The following MAGI1 variants were observed in gnomAD, a reference collection of about 807,000 sequenced individuals.
The protein encoded by MAGI1 is membrane-associated guanylate kinase, WW and PDZ domain-containing protein 1.
Under a neutral mutation model 139.9 loss-of-function variants are expected in MAGI1, and 58 were observed. The observed-to-expected ratio is 0.41, with a 90% CI of 0.34 to 0.52. The LOEUF is 0.52. MAGI1 is among the 20% of genes least tolerant of loss of function. The probability of loss-of-function intolerance (pLI) is 0.12; values close to 1 mark genes in which losing one functional copy is unlikely to be tolerated. For missense variants in MAGI1, 1,874 were observed against 1,901.6 expected (o/e 0.99, Z 0.27); for synonymous variants, 812 against 737.9 (o/e 1.10, Z -1.63).
At position 65,846,579 on chromosome 3, in the gene MAGI1, C is replaced by G. The variant is rs562160772; in HGVS notation, c.313+191417G>C. On this transcript the variant is annotated intron_variant, in intron 1 of 22. Coordinates refer to ENST00000402939, the MANE Select transcript of MAGI1 (RefSeq NM_001033057.2). ...TATAGTAAGTCTGAGTAGCAACTGC[C>G]TCAAAGTACCAGCAGTCATGATCAC... Among the ~76,000 whole-genome samples, 4 of 152,272 alleles carry G rather than the reference C, an allele frequency of 2.6e-5. 1 individual carries two copies. In the South Asian group the frequency reaches 8.3e-4, roughly 32 times the overall value.
chr3:65,360,876 A>G (rs1279196117), intron 22 of MAGI1: 2 of 1,216,388 alleles, frequency 1.6e-6, no homozygotes, highest in Admixed American at 7.8e-5. Flanking sequence ...TTGTGCTAAC[A>G]ATTGGATCTG....
intron 1 of MAGI1, among the ~76,000 whole-genome samples, chr3:65,893,560 G>A (rs183228629): frequency 6.6e-6 from 1 of 152,154 alleles, no homozygotes; most frequent in East Asian, 1.9e-4. Flanking sequence ...GAAGTCCAGA[G>A]GGAATTACGC....
intron 1 of MAGI1, among the ~76,000 whole-genome samples, chr3:65,796,050 CAAAAAAAAAAAA>C (rs35663778): frequency 9.7e-6 from 1 of 103,048 alleles, no homozygotes; most frequent in Non-Finnish European, 2.0e-5. Flanking sequence ...GACTCTGTCT[CAAAAAAAAAAAA>C]AAAAAAAAGA....
At chr3:65,886,095 A>G (rs779179827) in intron 1 of MAGI1, among the ~76,000 whole-genome samples, 1 of 152,214 alleles carries the variant, frequency 6.6e-6, no homozygotes, top group Non-Finnish European at 1.5e-5. Flanking sequence ...CTATATACTT[A>G]AGTTTAGAAC....
intron 1 of MAGI1, among the ~76,000 whole-genome samples, chr3:65,637,883 T>A (rs867954166): frequency 1.3e-5 from 2 of 152,204 alleles, no homozygotes; most frequent in Non-Finnish European, 2.9e-5. Flanking sequence ...ATTTATCTTG[T>A]TTATTGTCTG....
chr3:65,553,544 C>T (rs775061420), intron 2 of MAGI1, among the ~76,000 whole-genome samples: 21 of 152,144 alleles, frequency 1.4e-4, no homozygotes, highest in Non-Finnish European at 2.9e-4. Context: ...GATGAGATAC[C>T]TGTGCCTGAC....
At chr3:65,541,255 G>C (rs1024777399) in intron 2 of MAGI1, among the ~76,000 whole-genome samples, 82 of 152,186 alleles carry the variant, frequency 5.4e-4, no homozygotes, top group African/African-American at 1.9e-3. Context: ...CCAATAACAA[G>C]TTCTGAAATT....
At chr3:65,728,734 T>C (rs935108807) in intron 1 of MAGI1, among the ~76,000 whole-genome samples, 21 of 152,260 alleles carry the variant, frequency 1.4e-4, no homozygotes, top group South Asian at 1.0e-3. Flanking sequence ...TTTTAAAAAA[T>C]TATTTTGTCT....
At chr3:65,501,475 A>AT (rs1553654935) in intron 2 of MAGI1, among the ~76,000 whole-genome samples, 95 of 150,246 alleles carry the variant, frequency 6.3e-4, no homozygotes, top group Middle Eastern at 3.4e-3. Context: ...AAAAAAAAAA[A>AT]TTTAAACATA....
Position 65,687,618 on chromosome 3 carries a change from C to T in MAGI1, c.314-65530G>A, listed in dbSNP as rs148612469. On this transcript the variant is annotated intron_variant, in intron 1 of 22. Coordinates refer to ENST00000402939, the MANE Select transcript of MAGI1 (RefSeq NM_001033057.2). ...TTGAAGAAGTTGGATAGGTGGGATCCTATAAAAAGAGAATGGTCACTACAG... is the reference window on the plus strand; with the variant it reads ...TTGAAGAAGTTGGATAGGTGGGATCTTATAAAAAGAGAATGGTCACTACAG... 99 of 418,696 alleles carry T rather than the reference C, an allele frequency of 2.4e-4. 1 individual carries two copies. The highest frequency in any genetic ancestry group is 2.0e-3 in the African/African-American group (97 of 47,752). 25.9% of individuals were successfully genotyped at this position (418,696 alleles called of 1,614,324 possible).
intron 2 of MAGI1, among the ~76,000 whole-genome samples, chr3:65,563,409 G>A (rs908882313): frequency 6.6e-6 from 1 of 152,156 alleles, no homozygotes; most frequent in Non-Finnish European, 1.5e-5. Context: ...CCTCCCACAT[G>A]AAGAGAGCTG....
At chr3:65,894,324 G>A (rs1001481462) in intron 1 of MAGI1, among the ~76,000 whole-genome samples, 1 of 152,132 alleles carries the variant, frequency 6.6e-6, no homozygotes, top group Non-Finnish European at 1.5e-5. Context: ...AGGCCCTTGT[G>A]ACTCCAAATC....
chr3:65,867,295 ATGCTATCGTCATT>A (rs2059762758), intron 1 of MAGI1, among the ~76,000 whole-genome samples: 1 of 152,210 alleles, frequency 6.6e-6, no homozygotes, highest in South Asian at 2.1e-4. Context: ...GGACGAAGAT[ATGCTATCGTCATT>A]TGTCCAATTC....
intron 12 of MAGI1, among the ~76,000 whole-genome samples, chr3:65,422,732 GAAT>G (rs1946716805): frequency 6.6e-6 from 1 of 152,032 alleles, no homozygotes; most frequent in Non-Finnish European, 1.5e-5. Flanking sequence ...GATTTATGAG[GAAT>G]GGTCACGGCA....
chr3:65,393,955 C>T (rs755861248), intron 13 of MAGI1, among the ~76,000 whole-genome samples: 4 of 152,154 alleles, frequency 2.6e-5, no homozygotes, highest in Non-Finnish European at 5.9e-5. Context: ...AGAGAAATAT[C>T]CTTCTGGCAT....
intron 1 of MAGI1, chr3:65,873,767 T>A (rs982123765): frequency 4.6e-5 from 7 of 152,040 alleles, no homozygotes; most frequent in African/African-American, 1.7e-4. Context: ...AAACTTCACA[T>A]CCACATGCAA....
chr3:65,994,840 T>C (rs913677511), intron 1 of MAGI1, among the ~76,000 whole-genome samples: 3 of 152,202 alleles, frequency 2.0e-5, no homozygotes, highest in African/African-American at 7.2e-5. Context: ...ACTGAGGCTA[T>C]CTAGCCAACA....
intron 3 of MAGI1, among the ~76,000 whole-genome samples, chr3:65,491,733 A>C (rs1952050568): frequency 6.9e-6 from 1 of 144,058 alleles, no homozygotes; most frequent in Admixed American, 7.2e-5. Flanking sequence ...GACCTCGATT[A>C]CTCTCAGACC....
At chr3:65,792,878 G>C (rs1191160510) in intron 1 of MAGI1, among the ~76,000 whole-genome samples, 3 of 152,112 alleles carry the variant, frequency 2.0e-5, no homozygotes, top group Non-Finnish European at 4.4e-5. Flanking sequence ...CCATGGATTG[G>C]CGCGGGGGAG....
Sources: gnomAD v4.1 joint callset for allele counts (sites outside exome capture counted in the v4.1 genomes callset) on GRCh38, gnomAD v4.1.1 for gene constraint, MANE v1.5 for transcripts, NCBI Gene and HGNC (gene_info 2026-07-23, HGNC 2026-07-21) for gene names.